AGBL2: variants seen among roughly 807,000 people sequenced by gnomAD.
AGBL2 encodes cytosolic carboxypeptidase 2.
A neutral mutation model predicts 103.0 loss-of-function variants in AGBL2; 87 were observed. The observed-to-expected ratio is 0.84, with a 90% CI of 0.71 to 1.01. The LOEUF (loss-of-function observed/expected upper bound fraction) is 1.01. Among genes scored for constraint, AGBL2 ranks in the 50% least tolerant of loss-of-function variants. The probability of loss-of-function intolerance (pLI) is 0.00; values close to 1 mark genes in which losing one functional copy is unlikely to be tolerated. For missense variants in AGBL2, 904 were observed against 1,023.5 expected (o/e 0.88, Z 1.59); for synonymous variants, 335 against 356.7 (o/e 0.94, Z 0.69).
At chr11:47,702,316 T>C (rs1425874478) in intron 7 of AGBL2, among the ~76,000 whole-genome samples, 3 of 152,204 alleles carry the variant, frequency 2.0e-5, no homozygotes, top group Admixed American at 6.5e-5. Context: ...CTTAATTGGA[T>C]CATTTCGAAC....
chr11:47,714,513 G>T, intron 2 of AGBL2, 105 bp downstream of exon 2: 2 of 1,387,412 alleles, frequency 1.4e-6, no homozygotes, highest in Non-Finnish European at 1.0e-6. Flanking sequence ...GAGAAAAGAT[G>T]CCACCAGAAC....
chr11:47,698,966 CAAAAA>C (rs5791781), intron 8 of AGBL2, among the ~76,000 whole-genome samples: 8 of 117,552 alleles, frequency 6.8e-5, no homozygotes, highest in Admixed American at 8.4e-5. Flanking sequence ...GTAGGAATGG[CAAAAA>C]AAAAAAAAAA....
rs78598558 is a variant in AGBL2, at chr11:47,681,318, AC to A, written c.1915+650del. 3.4e-4 allele frequency among the ~76,000 whole-genome samples: 52 copies of A among 152,172 alleles called. No homozygotes were observed. The East Asian group carries it at 7.5e-3, about 22-fold the overall frequency. On this transcript the variant is annotated intron_variant, in intron 12 of 18. Coordinates refer to ENST00000525123, the MANE Select transcript of AGBL2 (RefSeq NM_024783.4). Reference sequence around the variant, plus strand: ...CTACACTCTAGCCTGGGTGAAAGAAACCCTGTCTCAAAAAAACAAAATAAAT... The same window carrying A: ...CTACACTCTAGCCTGGGTGAAAGAAACCTGTCTCAAAAAAACAAAATAAAT...
intron 14 of AGBL2, among the ~76,000 whole-genome samples, chr11:47,674,428 G>A (rs1190195003): frequency 2.0e-5 from 3 of 151,892 alleles, no homozygotes; most frequent in Non-Finnish European, 2.9e-5. Flanking sequence ...TTAGCCAGGC[G>A]TGGTGGCGTG....
chr11:47,691,729 A>ATATATATAT (rs1554960981), intron 9 of AGBL2, among the ~76,000 whole-genome samples: 1 of 4,850 alleles, frequency 2.1e-4, no homozygotes, highest in African/African-American at 7.2e-4. Flanking sequence ...AAAAAAAAAA[A>ATATATATAT]ATATATATAT....
intron 10 of AGBL2, 128 bp from the exon 11 acceptor site, chr11:47,686,177 T>C (rs2097422868): frequency 6.9e-6 from 6 of 870,752 alleles, no homozygotes; most frequent in Non-Finnish European, 1.1e-5. Context: ...TCAACTCCAT[T>C]GGCCTTCAAT....
intron 15 of AGBL2, among the ~76,000 whole-genome samples, chr11:47,668,092 C>T (rs2097346355): frequency 6.6e-6 from 1 of 151,474 alleles, no homozygotes; most frequent in African/African-American, 2.4e-5. Context: ...GCCTGTAATC[C>T]CAGTTACTCA....
In AGBL2 at chr11:47,667,655, C is replaced by T; in HGVS notation, c.2256G>A (p.Lys752=). The T allele has an allele frequency of 6.2e-7, 1 of 1,613,176 alleles. No individual in the cohort carries two copies. The highest frequency in any genetic ancestry group is 1.1e-5 in the South Asian group (1 of 90,956). Reference sequence around the variant, plus strand: ...TTCGCTGTTTCCTAGTCTGAAGTGACTTCTTTTTTTTCTTCTTAAACATCT... The same window carrying T: ...TTCGCTGTTTCCTAGTCTGAAGTGATTTCTTTTTTTTCTTCTTAAACATCT... ...KKKMFKKKKK[K]SLQTRKQRNE... The change falls in exon 16 of 19, where the codon AAG becomes AAA. Residue 752 remains lysine (K), a synonymous_variant. Coordinates refer to ENST00000525123, the MANE Select transcript of AGBL2 (RefSeq NM_024783.4).
rs537747035 is a variant in AGBL2 at position 47,660,194 on chromosome 11, C to G, written c.2688G>C (p.Leu896Phe). The G allele has an allele frequency of 1.0e-4, 164 of 1,613,940 alleles. No homozygotes were observed. The South Asian group carries it at 1.7e-3, about 17-fold the overall frequency. Reference protein sequence around the residue: ...GCAAMAAYPSLHIYTYP With the variant: ...GCAAMAAYPSFHIYTYP ...TCACCTACGGGTATGTGTATATGTG[C>G]AAGGATGGGTATGCCGCCATGGCAG... Residue 896 changes from leucine (L) to phenylalanine (F), a missense_variant, in exon 19 of 19, where the codon TTG becomes TTC. Transcript: ENST00000525123.
intron 13 of AGBL2, among the ~76,000 whole-genome samples, chr11:47,679,057 T>TAAAA: frequency 4.5e-5 from 1 of 22,334 alleles, no homozygotes; most frequent in African/African-American, 4.9e-4. Flanking sequence ...AGACCCTGTC[T>TAAAA]CAAAAAAAAA....
In AGBL2 at chr11:47,677,412, G is replaced by T; in HGVS notation, c.2017-11C>A. ...TAGACACTGAGTGAACTATGAAAGT[G>T]AAAAAAAGAACTATTTTGTTAATTC... On this transcript the variant is annotated splice_polypyrimidine_tract_variant and intron_variant, in intron 13 of 18. Transcript: ENST00000525123. The T allele has an allele frequency of 6.8e-7, 1 of 1,462,982 alleles. No individual in the cohort carries two copies. The highest frequency in any genetic ancestry group is 1.6e-5 in the South Asian group (1 of 62,016). The allele number at this position is 1,462,982 out of a possible 1,614,324, so 90.6% of individuals were successfully genotyped here. A position where few individuals can be genotyped will look rare whatever the true frequency, so the allele number is the denominator to read the frequency against.
At chr11:47,662,334 C>A (rs1005801628) in intron 18 of AGBL2, among the ~76,000 whole-genome samples, 5 of 150,606 alleles carry the variant, frequency 3.3e-5, no homozygotes, top group African/African-American at 9.8e-5. Context: ...CCACTACACC[C>A]AGCTAATTTT....
chr11:47,685,194 G>A (rs892452458), intron 11 of AGBL2, among the ~76,000 whole-genome samples: 2 of 151,820 alleles, frequency 1.3e-5, no homozygotes, highest in Non-Finnish European at 2.9e-5. Flanking sequence ...TCGACAGAGC[G>A]AGACTCCGTC....
rs754460634 is a variant in AGBL2 at position 47,679,992 on chromosome 11, C to T, written c.1997G>A (p.Cys666Tyr). ...TTTTACCTTCATTTGGTCAGGATCA[C>T]AAAAGTCCAGAAGGGTGTCACAGAC... ...YHVCDTLLDF[C>Y]DPDQMKFTQC... The change falls in exon 13 of 19, where the codon TGT becomes TAT. Residue 666 changes from cysteine (C) to tyrosine (Y), a missense_variant. By Grantham distance (194) the Cys-to-Tyr change is radical. Coordinates refer to ENST00000525123, the MANE Select transcript of AGBL2 (RefSeq NM_024783.4). The T allele has an allele frequency of 1.2e-6, 2 of 1,608,852 alleles. No homozygotes were observed. The highest frequency in any genetic ancestry group is 2.2e-5 in the South Asian group (2 of 90,884).
intron 9 of AGBL2, 145 bp from the exon 10 acceptor site, chr11:47,691,003 C>G (rs1484473222): frequency 1.4e-6 from 1 of 717,638 alleles, no homozygotes; most frequent in Non-Finnish European, 2.2e-6. Flanking sequence ...TCTGTAATCC[C>G]AGCACTTTGG....
At chr11:47,660,992 T>C (rs992941765) in intron 18 of AGBL2, among the ~76,000 whole-genome samples, 3 of 152,166 alleles carry the variant, frequency 2.0e-5, no homozygotes, top group Admixed American at 6.6e-5. Context: ...TATGTTTATC[T>C]GACATGTTAT....
chr11:47,675,364 C>A (rs1014481067), intron 14 of AGBL2, among the ~76,000 whole-genome samples: 56 of 147,956 alleles, frequency 3.8e-4, no homozygotes, highest in African/African-American at 1.3e-3. Context: ...CATACCCCGA[C>A]CCCCTGCTAA....
At chr11:47,683,002 A>T (rs901786560) in intron 11 of AGBL2, among the ~76,000 whole-genome samples, 1 of 152,002 alleles carries the variant, frequency 6.6e-6, no homozygotes, top group Non-Finnish European at 1.5e-5. Flanking sequence ...GAAAAGAAGG[A>T]AAGGAAAGGA....
At chr11:47,674,566 C>CA (rs56353033) in intron 14 of AGBL2, among the ~76,000 whole-genome samples, 2 of 110,172 alleles carry the variant, frequency 1.8e-5, no homozygotes, top group African/African-American at 6.9e-5. Context: ...GACTCCGTCT[C>CA]AAAAAAAAAA....
Sources: allele counts gnomAD v4.1 joint callset (sites outside exome capture counted in the v4.1 genomes callset), GRCh38; gene constraint gnomAD v4.1.1; transcripts MANE v1.5; gene names NCBI Gene and HGNC (gene_info 2026-07-23, HGNC 2026-07-21).